Variants in RAB3GAP2 observed in about 807,000 individuals in gnomAD.
RAB3GAP2 encodes rab3 GTPase-activating protein non-catalytic subunit.
RAB3GAP2 carries 87 observed loss-of-function variants against 185.3 expected under a neutral mutation model. That is an observed-to-expected ratio of 0.47 (90% CI 0.39 to 0.56). The LOEUF (loss-of-function observed/expected upper bound fraction) is 0.56, where lower values mean the gene tolerates loss of function less well. Among genes scored for constraint, RAB3GAP2 ranks in the 20% least tolerant of loss-of-function variants. RAB3GAP2 has a pLI of 0.00. For missense variants in RAB3GAP2, 1,492 were observed against 1,638.2 expected, an observed-to-expected ratio of 0.91 and a Z score of 1.54; for synonymous variants, 554 against 576.1, an observed-to-expected ratio of 0.96 and a Z score of 0.55.
At position 220,148,720 on chromosome 1, in the gene RAB3GAP2, T is replaced by A. The variant is rs1178743583; in HGVS notation, c.*2531A>T. 1 of 151,882 alleles carries A rather than the reference T, an allele frequency of 6.6e-6. No individual in the cohort carries two copies. Among genetic ancestry groups the A allele is most frequent in the African/African-American group, 2.4e-5 (1 of 41,152 alleles). 9.4% of individuals were successfully genotyped at this position (151,882 alleles called of 1,614,324 possible). Reference sequence around the variant, plus strand: ...TGTTTACTTTGACCATAGATGAAGTTTTATAATAAAAGTAAAACTTTTTTT... The same window carrying A: ...TGTTTACTTTGACCATAGATGAAGTATTATAATAAAAGTAAAACTTTTTTT... On this transcript the variant is annotated 3_prime_UTR_variant, in exon 35 of 35. Coordinates refer to ENST00000358951, the MANE Select transcript of RAB3GAP2 (RefSeq NM_012414.4).
At chr1:220,211,201 A>G in intron 4 of RAB3GAP2, 199 bp from the exon 5 acceptor site, 1 of 687,020 alleles carries the variant, frequency 1.5e-6, no homozygotes, top group Non-Finnish European at 2.6e-6. Context: ...GTAATGCCAC[A>G]TGCATTTGAG....
At chr1:220,188,082 A>G (rs1211706731) in intron 17 of RAB3GAP2, among the ~76,000 whole-genome samples, 4 of 151,516 alleles carry the variant, frequency 2.6e-5, no homozygotes, top group Non-Finnish European at 5.9e-5. Flanking sequence ...AGAATCTGCC[A>G]AAGAAATTGA....
intron 3 of RAB3GAP2, among the ~76,000 whole-genome samples, chr1:220,213,385 A>T (rs1659119122): frequency 6.6e-6 from 1 of 152,138 alleles, no homozygotes. Context: ...TTGATCAGTA[A>T]GGTTTGGAGA....
intron 26 of RAB3GAP2, among the ~76,000 whole-genome samples, chr1:220,165,531 C>T (rs564092639): frequency 6.6e-6 from 1 of 152,168 alleles, no homozygotes; most frequent in African/African-American, 2.4e-5. Flanking sequence ...ATTGCCAATA[C>T]ACACTGTGTT....
chr1:220,186,971 G>C (rs1658517961), intron 17 of RAB3GAP2, among the ~76,000 whole-genome samples: 1 of 152,126 alleles, frequency 6.6e-6, no homozygotes, highest in Non-Finnish European at 1.5e-5. Context: ...ACTTTACCCT[G>C]AGCAAAATGA....
intron 21 of RAB3GAP2, among the ~76,000 whole-genome samples, chr1:220,174,715 T>A (rs1209087188): frequency 6.6e-6 from 1 of 152,216 alleles, no homozygotes; most frequent in Non-Finnish European, 1.5e-5. Context: ...CAATAAATGC[T>A]AATGGCTACA....
intron 3 of RAB3GAP2, among the ~76,000 whole-genome samples, chr1:220,213,626 C>T (rs1659124093): frequency 1.4e-5 from 2 of 142,042 alleles, no homozygotes; most frequent in Non-Finnish European, 1.5e-5. Flanking sequence ...ATGGAGAGCA[C>T]TAAGGTAGCT....
At chr1:220,244,796 G>C (rs990465551) in intron 1 of RAB3GAP2, among the ~76,000 whole-genome samples, 5 of 151,990 alleles carry the variant, frequency 3.3e-5, no homozygotes, top group African/African-American at 1.2e-4. Flanking sequence ...AATGACAATG[G>C]ATCCCCATCT....
intron 24 of RAB3GAP2, among the ~76,000 whole-genome samples, 200 bp from the exon 25 acceptor site, chr1:220,167,875 C>A (rs185390109): frequency 6.6e-6 from 1 of 152,220 alleles, no homozygotes; most frequent in East Asian, 1.9e-4. Flanking sequence ...GGGATATTTA[C>A]GATGTCAGGG....
At chr1:220,151,496 T>C in intron 34 of RAB3GAP2, 90 bp from the exon 35 acceptor site, 1 of 1,597,810 alleles carries the variant, frequency 6.3e-7, no homozygotes. Flanking sequence ...ATGCTTTTCT[T>C]TGTAACTAGG....
rs1176440112 is a variant in RAB3GAP2, at chr1:220,181,325, A to G, written c.2310+932T>C. Among the ~76,000 whole-genome samples the G allele has an allele frequency of 4.6e-5, 7 of 152,174 alleles. No individual in the cohort carries two copies. The East Asian group carries it at 1.2e-3, about 25-fold the overall frequency. On this transcript the variant is annotated intron_variant, in intron 21 of 34. Transcript: ENST00000358951. ...ACCATTTTTTATCAGGACCTTCTGT[A>G]TCCATGGTTTTGGTAATGGAGGGGG...
At chr1:220,204,506 A>C (rs1219851998) in intron 8 of RAB3GAP2, among the ~76,000 whole-genome samples, 1 of 152,146 alleles carries the variant, frequency 6.6e-6, no homozygotes, top group African/African-American at 2.4e-5. Flanking sequence ...CACCAAAGTT[A>C]AACTTTGTTT....
intron 1 of RAB3GAP2, among the ~76,000 whole-genome samples, chr1:220,235,972 G>C (rs1659428747): frequency 6.6e-6 from 1 of 152,122 alleles, no homozygotes; most frequent in Non-Finnish European, 1.5e-5. Flanking sequence ...ATTATCATAG[G>C]AATACATTTT....
chr1:220,195,937 A>G (rs906445954), intron 10 of RAB3GAP2, among the ~76,000 whole-genome samples: 2 of 152,142 alleles, frequency 1.3e-5, no homozygotes, highest in African/African-American at 4.8e-5. Context: ...TCATTTACTC[A>G]AATCCCTAGT....
intron 24 of RAB3GAP2, 21 bp downstream of exon 24, chr1:220,170,871 C>G: frequency 6.3e-7 from 1 of 1,584,714 alleles, no homozygotes; most frequent in Non-Finnish European, 8.7e-7. Flanking sequence ...GATGCAAATG[C>G]TCAAATAAAC....
intron 1 of RAB3GAP2, among the ~76,000 whole-genome samples, chr1:220,241,322 G>A (rs1408532130): frequency 6.6e-6 from 1 of 151,990 alleles, no homozygotes; most frequent in Non-Finnish European, 1.5e-5. Flanking sequence ...AGTATGTCAA[G>A]TTCAAATACT....
chr1:220,241,501 C>A (rs1659697252), intron 1 of RAB3GAP2, among the ~76,000 whole-genome samples: 1 of 152,112 alleles, frequency 6.6e-6, no homozygotes, highest in Non-Finnish European at 1.5e-5. Context: ...CCTCTACAAC[C>A]TATGACTTGT....
chr1:220,163,226 T>C (rs1312355611), intron 27 of RAB3GAP2, among the ~76,000 whole-genome samples: 2 of 152,190 alleles, frequency 1.3e-5, no homozygotes, highest in Non-Finnish European at 2.9e-5. Flanking sequence ...CTATTATTAC[T>C]ACCCTTGTAG....
chr1:220,245,697 G>T (rs1452380727), intron 1 of RAB3GAP2, among the ~76,000 whole-genome samples: 2 of 151,920 alleles, frequency 1.3e-5, no homozygotes, highest in African/African-American at 4.8e-5. Context: ...GCCTCTGTAG[G>T]CTCCACCTCT....
Sources: allele counts gnomAD v4.1 joint callset (sites outside exome capture counted in the v4.1 genomes callset), GRCh38; gene constraint gnomAD v4.1.1; transcripts MANE v1.5; gene names NCBI Gene and HGNC (gene_info 2026-07-23, HGNC 2026-07-21).